SELENOI: variants seen among roughly 807,000 people sequenced by gnomAD.
SELENOI encodes the protein selenoprotein I, also known as ethanolaminephosphotransferase 1.
In SELENOI, 24 loss-of-function variants were observed where a neutral mutation model predicts 50.7. The observed-to-expected ratio is 0.47, with a 90% CI of 0.34 to 0.67. The LOEUF is 0.67. Among genes scored for constraint, SELENOI ranks in the 30% least tolerant of loss-of-function variants. The pLI, the probability that SELENOI is intolerant of heterozygous loss-of-function variation, is 0.01. For synonymous variants in SELENOI, 155 were observed against 170.2 expected (o/e 0.91, Z 0.70); for missense variants, 352 against 461.4 (o/e 0.76, Z 2.17).
rs543692777 is a variant in SELENOI at position 26,391,331 on chromosome 2, C to T, written c.*2228C>T. 1.3e-5 allele frequency: 2 copies of T among 152,306 alleles called. No individual in the cohort carries two copies. Among genetic ancestry groups the T allele is most frequent in the East Asian group, 3.9e-4 (2 of 5,186 alleles). The allele number at this position is 152,306 out of a possible 1,614,324, so 9.4% of individuals were successfully genotyped here. On this transcript the variant is annotated 3_prime_UTR_variant, in exon 10 of 10. Coordinates refer to ENST00000260585, the MANE Select transcript of SELENOI (RefSeq NM_033505.4). ...ATACTTGAGGATCTTTAGTGTACTG[C>T]TGACTCTTTTTCTTGTTTTGTCTGC...
chr2:26,362,340 T>C (rs1273348404), intron 1 of SELENOI, among the ~76,000 whole-genome samples: 2 of 152,210 alleles, frequency 1.3e-5, no homozygotes, highest in Non-Finnish European at 2.9e-5. Flanking sequence ...GAAACACTGA[T>C]GTATTTCTTC....
At position 26,385,050 on chromosome 2, in the gene SELENOI, G is replaced by A. The variant is rs745637775; in HGVS notation, c.823G>A (p.Ala275Thr). The A allele has an allele frequency of 8.7e-6, 14 of 1,613,112 alleles. No homozygotes were observed. The highest frequency in any genetic ancestry group is 1.2e-5 in the Non-Finnish European group (14 of 1,179,492). The change falls in exon 8 of 10, where the codon GCG (alanine) becomes ACG (threonine). Residue 275 changes from alanine to threonine, a missense_variant. Coordinates refer to ENST00000260585, the MANE Select transcript of SELENOI (RefSeq NM_033505.4). ...ATGCTTGCTGTTCATTTTGTCTACA[G>A]CGTGGATCCTTTGGTCACCTTCAGA... Reference protein sequence around the residue: ...SPCLLFILSTAWILWSPSDIL... With the variant: ...SPCLLFILSTTWILWSPSDIL...
intron 3 of SELENOI, 56 bp downstream of exon 3, chr2:26,364,996 A>T (rs1339524777): frequency 2.4e-6 from 3 of 1,269,758 alleles, no homozygotes; most frequent in African/African-American, 3.1e-5. Flanking sequence ...TGAAATGTGG[A>T]TGCTTATTTT....
chr2:26,383,277 A>G (rs1216552461), intron 6 of SELENOI, 22 bp from the exon 7 acceptor site: 3 of 1,504,386 alleles, frequency 2.0e-6, no homozygotes, highest in East Asian at 2.4e-5. Flanking sequence ...AAGCATAATA[A>G]TTGAATAATT....
intron 4 of SELENOI, among the ~76,000 whole-genome samples, chr2:26,368,095 A>G (rs1334579679): frequency 6.6e-6 from 1 of 152,200 alleles, no homozygotes; most frequent in Non-Finnish European, 1.5e-5. Context: ...AGTTGCTTAG[A>G]TCTCTTCAGA....
chr2:26,348,266 T>C (rs1288152404), intron 1 of SELENOI, among the ~76,000 whole-genome samples: 1 of 152,236 alleles, frequency 6.6e-6, no homozygotes, highest in Admixed American at 6.5e-5. Flanking sequence ...TCCCCATAAA[T>C]GGGTAAAGAT....
At chr2:26,371,559 A>G (rs940060383) in intron 4 of SELENOI, among the ~76,000 whole-genome samples, 2 of 152,224 alleles carry the variant, frequency 1.3e-5, no homozygotes, top group Non-Finnish European at 2.9e-5. Flanking sequence ...ACTGCACTCC[A>G]GCCTGGGCGC....
chr2:26,376,737 G>GT (rs1331062296), intron 6 of SELENOI, among the ~76,000 whole-genome samples: 1 of 151,916 alleles, frequency 6.6e-6, no homozygotes, highest in African/African-American at 2.4e-5. Flanking sequence ...CTTCCTTTAG[G>GT]TTTTTTTATA....
intron 8 of SELENOI, among the ~76,000 whole-genome samples, chr2:26,385,623 T>G (rs890328249): frequency 1.3e-5 from 2 of 152,222 alleles, no homozygotes; most frequent in African/African-American, 4.8e-5. Flanking sequence ...CTTTCCATGC[T>G]GGACTGTGCA....
chr2:26,352,409 A>G (rs2147943629), intron 1 of SELENOI, among the ~76,000 whole-genome samples: 1 of 152,350 alleles, frequency 6.6e-6, no homozygotes, highest in African/African-American at 2.4e-5. Flanking sequence ...TTCTAAAGAT[A>G]GACGTCAAAA....
intron 6 of SELENOI, among the ~76,000 whole-genome samples, chr2:26,381,349 A>G (rs1240705623): frequency 3.3e-5 from 5 of 150,692 alleles, no homozygotes; most frequent in African/African-American, 7.3e-5. Context: ...ACTGTTCTCT[A>G]CTTGAAACAT....
intron 2 of SELENOI, 126 bp downstream of exon 2, chr2:26,364,496 A>C: frequency 1.6e-6 from 1 of 641,226 alleles, no homozygotes; most frequent in Admixed American, 2.9e-5. Flanking sequence ...CCCTTCCCCA[A>C]TCACAATACC....
chr2:26,374,566 ATTT>A (rs34004967), intron 5 of SELENOI, among the ~76,000 whole-genome samples: 16 of 128,826 alleles, frequency 1.2e-4, no homozygotes, highest in Admixed American at 2.4e-4. Flanking sequence ...AAAAGATTGT[ATTT>A]TTTTTTTTTT....
chr2:26,372,808 C>G (rs1261563891), intron 4 of SELENOI, among the ~76,000 whole-genome samples: 1 of 152,180 alleles, frequency 6.6e-6, no homozygotes. Context: ...AAAATTGACA[C>G]CATTCAGTGT....
chr2:26,364,719 A>G, intron 2 of SELENOI, 113 bp from the exon 3 acceptor site: 1 of 708,032 alleles, frequency 1.4e-6, no homozygotes, highest in South Asian at 2.3e-5. Context: ...TAACTTCTCC[A>G]TATGATCTTT....
chr2:26,371,340 G>T (rs1415773094), intron 4 of SELENOI, among the ~76,000 whole-genome samples: 7 of 151,908 alleles, frequency 4.6e-5, no homozygotes, highest in African/African-American at 1.7e-4. Flanking sequence ...TCCCAGACGG[G>T]GCGGCGGGGC....
chr2:26,361,207 C>G (rs1326971909), intron 1 of SELENOI, among the ~76,000 whole-genome samples: 1 of 152,156 alleles, frequency 6.6e-6, no homozygotes, highest in East Asian at 1.9e-4. Flanking sequence ...GAGTGAGACT[C>G]CGTCTCAAAA....
chr2:26,359,883 A>C (rs1677139687), intron 1 of SELENOI, among the ~76,000 whole-genome samples: 1 of 152,124 alleles, frequency 6.6e-6, no homozygotes, highest in African/African-American at 2.4e-5. Flanking sequence ...AGGGTCAGAT[A>C]TACAATGGTG....
intron 1 of SELENOI, among the ~76,000 whole-genome samples, chr2:26,360,747 A>G (rs529367113): frequency 1.3e-5 from 2 of 152,266 alleles, no homozygotes; most frequent in African/African-American, 4.8e-5. Flanking sequence ...ACTTTTGTGA[A>G]GTAAAGGAGT....
Sources: gnomAD v4.1 joint callset for allele counts (sites outside exome capture counted in the v4.1 genomes callset) on GRCh38, gnomAD v4.1.1 for gene constraint, MANE v1.5 for transcripts, NCBI Gene and HGNC (gene_info 2026-07-23, HGNC 2026-07-21) for gene names.